The following GTSE1 variants were observed in gnomAD, a reference collection of about 807,000 sequenced individuals.
GTSE1 encodes G2 and S-phase expressed 1.
In GTSE1, 52 loss-of-function variants were observed where a neutral mutation model predicts 60.5. The observed-to-expected ratio is 0.86, with a 90% confidence interval of 0.69 to 1.08. The LOEUF is 1.08. Among genes scored for constraint, GTSE1 ranks in the 50% least tolerant of loss-of-function variants. The pLI, the probability that GTSE1 is intolerant of heterozygous loss-of-function variation, is 0.00. For synonymous variants in GTSE1, 368 were observed against 386.5 expected, an observed-to-expected ratio of 0.95 and a Z score of 0.56; for missense variants, 937 against 961.8, an observed-to-expected ratio of 0.97 and a Z score of 0.34.
rs765427631 is a variant in GTSE1 at position 46,310,572 on chromosome 22, C to T, written c.763-1569C>T. 2.0e-5 allele frequency among the ~76,000 whole-genome samples: 3 copies of T among 152,186 alleles called. No homozygotes were observed. Among genetic ancestry groups the T allele is most frequent in the African/African-American group, 7.2e-5 (3 of 41,432 alleles). ...AAAAAGTAGGACCAACCCAGGCATC[C>T]AGCAAATGATGATTGGGTAACGAAA... On this transcript the variant is annotated intron_variant, in intron 4 of 11. Transcript: ENST00000454366. This position sits in a 1 kb window ranked among gnomAD's most constrained non-coding sequence, Gnocchi z 4.4.
rs2077793817 is a variant in GTSE1 at position 46,318,553 on chromosome 22, T to G, written c.1432+2141T>G. 6.6e-6 allele frequency among the ~76,000 whole-genome samples: 1 copy of G among 152,022 alleles called. No homozygotes were observed. Among genetic ancestry groups the G allele is most frequent in the African/African-American group, 2.4e-5 (1 of 41,388 alleles). On this transcript the variant is annotated intron_variant, in intron 7 of 11. Transcript: ENST00000454366. This position sits in a 1 kb window ranked among gnomAD's most constrained non-coding sequence, Gnocchi z 4.8. ...GATGGTGTCCTGGAGCTGGCATGTT[T>G]GGGGAGGAATTTGCATCGGGTGGTT...
rs1423298038 is a variant in GTSE1 at position 46,317,798 on chromosome 22, C to T, written c.1432+1386C>T. Reference sequence around the variant, plus strand: ...GTGTGTCCCGCAAGGCCCGCGAGACCCCTGCACTCCTGCTGCTGCAAGATG... The same window carrying T: ...GTGTGTCCCGCAAGGCCCGCGAGACTCCTGCACTCCTGCTGCTGCAAGATG... On this transcript the variant is annotated intron_variant, in intron 7 of 11. Transcript: ENST00000454366. The surrounding 1 kb of genome is among the most constrained non-coding windows in gnomAD (Gnocchi z 5.6). Among the ~76,000 whole-genome samples, 1 of 152,248 alleles carries T rather than the reference C, an allele frequency of 6.6e-6. No individual in the cohort carries two copies. The highest frequency in any genetic ancestry group is 1.5e-5 in the Non-Finnish European group (1 of 68,038).
At chr22:46,301,803 T>G (rs2077690931) in intron 2 of GTSE1, among the ~76,000 whole-genome samples, 1 of 152,104 alleles carries the variant, frequency 6.6e-6, no homozygotes, top group African/African-American at 2.4e-5. Context: ...TACTCTTATT[T>G]TTGAGTGAGG....
In GTSE1 at chr22:46,313,968, T is replaced by G. The variant is rs181848788; in HGVS notation, c.1006T>G (p.Trp336Gly). ...LARKSSSGPV[W>G]SGASSACTSP... is the part of the protein sequence containing the mutation. ...AAGGAAGTCCTCCTCGGGGCCTGTT[T>G]GGAGCGGGGCATCCAGTGCGTGCAC... Residue 336 changes from tryptophan (W) to glycine (G), a missense_variant, in exon 6 of 12, where the codon TGG becomes GGG. Transcript: ENST00000454366. The surrounding 1 kb of genome is among the most constrained non-coding windows in gnomAD (Gnocchi z 4.4). The G allele has an allele frequency of 1.2e-6, 2 of 1,614,234 alleles. No homozygotes were observed. Among genetic ancestry groups the G allele is most frequent in the Non-Finnish European group, 8.5e-7 (1 of 1,180,018 alleles).
intron 2 of GTSE1, among the ~76,000 whole-genome samples, chr22:46,300,303 G>T (rs1300349991): frequency 6.6e-6 from 1 of 151,506 alleles, no homozygotes; most frequent in East Asian, 1.9e-4. Flanking sequence ...TCACCATGTT[G>T]GTCAGGACGG....
At chr22:46,322,398 C>T (rs1384392802) in intron 7 of GTSE1, among the ~76,000 whole-genome samples, 2 of 152,180 alleles carry the variant, frequency 1.3e-5, no homozygotes, top group African/African-American at 4.8e-5. Context: ...GCCTCTTTTC[C>T]CATGGCTTCC....
Position 46,310,634 on chromosome 22 carries a change from TAAA to T in GTSE1, c.763-1504_763-1502del, listed in dbSNP as rs980957740. Reference sequence around the variant, plus strand: ...CCAAACAATGGTTTATTTTTGGCAATAAAAAGAAACACTACTGGGCGTGGTAGC... The same window carrying T: ...CCAAACAATGGTTTATTTTTGGCAATAAGAAACACTACTGGGCGTGGTAGC... On this transcript the variant is annotated intron_variant, in intron 4 of 11. Transcript: ENST00000454366. The surrounding 1 kb of genome is among the most constrained non-coding windows in gnomAD (Gnocchi z 4.4). Among the ~76,000 whole-genome samples the T allele has an allele frequency of 6.6e-6, 1 of 152,122 alleles. No individual in the cohort carries two copies. Among genetic ancestry groups the T allele is most frequent in the African/African-American group, 2.4e-5 (1 of 41,422 alleles).
rs973782809 is a variant in GTSE1 at position 46,316,901 on chromosome 22, C to CT, written c.1432+497dup. Among the ~76,000 whole-genome samples, 6 of 151,770 alleles carry CT rather than the reference C, an allele frequency of 4.0e-5. No homozygotes were observed. The highest frequency in any genetic ancestry group is 1.3e-4 in the Admixed American group (2 of 15,218). ...TCTCACAGGACACCGAAGCTCTGTT[C>CT]TTTTTTTTATTTCAGCCTTTTTTCT... On this transcript the variant is annotated intron_variant, in intron 7 of 11. Transcript: ENST00000454366. This position sits in a 1 kb window ranked among gnomAD's most constrained non-coding sequence, Gnocchi z 5.0.
Position 46,304,053 on chromosome 22 carries a change from G to C in GTSE1, c.80-4097G>C, listed in dbSNP as rs1320005563. On this transcript the variant is annotated intron_variant, in intron 2 of 11. Transcript: ENST00000454366. This position sits in a 1 kb window ranked among gnomAD's most constrained non-coding sequence, Gnocchi z 4.4. The stretch of plus-strand genomic sequence containing the variant: ...CAGTGTCTCTTGCTCTATTGCCCAG[G>C]ATGGAGTGCAGTGGCTTGATCATAG... Among the ~76,000 whole-genome samples the C allele has an allele frequency of 6.6e-6, 1 of 152,174 alleles. No individual in the cohort carries two copies. The highest frequency in any genetic ancestry group is 2.4e-5 in the African/African-American group (1 of 41,430).
rs900473740 is a variant in GTSE1 at position 46,308,409 on chromosome 22, C to A, written c.228C>A (p.Pro76=). ...AASLELNNPV[P]EQPPLPTSES... ...GCTTGGAATTAAATAATCCGGTTCCCGAACAGCCTCCGTTGCCCACATCTG... is the reference window on the plus strand; with the variant it reads ...GCTTGGAATTAAATAATCCGGTTCCAGAACAGCCTCCGTTGCCCACATCTG... The change falls in exon 4 of 12, where the codon CCC becomes CCA. Residue 76 remains proline (P), a synonymous_variant. Coordinates refer to ENST00000454366, the MANE Select transcript of GTSE1 (RefSeq NM_016426.7). The A allele has an allele frequency of 1.9e-6, 3 of 1,614,120 alleles. No homozygotes were observed. The highest frequency in any genetic ancestry group is 2.5e-6 in the Non-Finnish European group (3 of 1,180,032).
At chr22:46,326,072 A>C (rs986622711) in intron 8 of GTSE1, among the ~76,000 whole-genome samples, 1 of 152,260 alleles carries the variant, frequency 6.6e-6, no homozygotes, top group East Asian at 1.9e-4. Context: ...GGCAATATCT[A>C]TGACACCAAC....
chr22:46,321,264 C>T lies in GTSE1; in HGVS notation c.1433-1926C>T, dbSNP rs1336878750. Among the ~76,000 whole-genome samples, 2 of 152,110 alleles carry T rather than the reference C, an allele frequency of 1.3e-5. No homozygotes were observed. The highest frequency in any genetic ancestry group is 4.8e-5 in the African/African-American group (2 of 41,428). On this transcript the variant is annotated intron_variant, in intron 7 of 11. Coordinates refer to ENST00000454366, the MANE Select transcript of GTSE1 (RefSeq NM_016426.7). The surrounding 1 kb of genome is among the most constrained non-coding windows in gnomAD (Gnocchi z 4.0). Reference sequence around the variant, plus strand: ...GATTCTACAAAAACATTTAGCTGGGCATGGTGCTGGGCACCTGTAGTCCCA... The same window carrying T: ...GATTCTACAAAAACATTTAGCTGGGTATGGTGCTGGGCACCTGTAGTCCCA...
In GTSE1 at chr22:46,324,557, C is replaced by T. The variant is rs983731229; in HGVS notation, c.1505+1295C>T. Among the ~76,000 whole-genome samples the T allele has an allele frequency of 4.6e-5, 7 of 151,302 alleles. No individual in the cohort carries two copies. Among genetic ancestry groups the T allele is most frequent in the African/African-American group, 4.9e-5 (2 of 41,080 alleles). On this transcript the variant is annotated intron_variant, in intron 8 of 11. Transcript: ENST00000454366. This position sits in a 1 kb window ranked among gnomAD's most constrained non-coding sequence, Gnocchi z 5.2. ...TAAGTTTTTGTATTTTTAGTAGAGA[C>T]GGGGTTTCACCGTGTTAGCCAGGAT...
intron 8 of GTSE1, among the ~76,000 whole-genome samples, chr22:46,325,766 A>T (rs1478013521): frequency 6.6e-6 from 1 of 152,236 alleles, no homozygotes; most frequent in Admixed American, 6.5e-5. Flanking sequence ...GGATTTCAGC[A>T]CATGAATCTG....
chr22:46,313,036 G>A lies in GTSE1; in HGVS notation c.927+731G>A, dbSNP rs1452378547. On this transcript the variant is annotated intron_variant, in intron 5 of 11. Transcript: ENST00000454366. This position sits in a 1 kb window ranked among gnomAD's most constrained non-coding sequence, Gnocchi z 4.4. The stretch of plus-strand genomic sequence containing the variant: ...AAATCAGCCAGGCATGGTGGTGCAT[G>A]CCTGTGGTCCCAGCTATTTGGGAGG... Among the ~76,000 whole-genome samples, 2 of 151,116 alleles carry A rather than the reference G, an allele frequency of 1.3e-5. No individual in the cohort carries two copies. Among genetic ancestry groups the A allele is most frequent in the Non-Finnish European group, 3.0e-5 (2 of 67,740 alleles).
In GTSE1 at chr22:46,314,176, C is replaced by G. The variant is rs1211514275; in HGVS notation, c.1051+163C>G. ...CCAGGCTGTGGACTGAGTTGCTGTA[C>G]CTGCCCTCAGTGCCTCTGTCCCATG... On this transcript the variant is annotated intron_variant, in intron 6 of 11. Coordinates refer to ENST00000454366, the MANE Select transcript of GTSE1 (RefSeq NM_016426.7). This position sits in a 1 kb window ranked among gnomAD's most constrained non-coding sequence, Gnocchi z 7.1. Among the ~76,000 whole-genome samples the G allele has an allele frequency of 1.3e-5, 2 of 152,172 alleles. No homozygotes were observed. Among genetic ancestry groups the G allele is most frequent in the African/African-American group, 2.4e-5 (1 of 41,436 alleles).
chr22:46,326,518 T>G lies in GTSE1; in HGVS notation c.1588T>G (p.Leu530Val). ...GCTGAGCGCATGGCGTGTGTCAGCC[T>G]TGCCCACACCCGCCAGCCGGCGCTG... is the stretch of plus-strand genomic sequence containing the variant. ...SLLSAWRVSA[L>V]PTPASRRCSG... The change falls in exon 9 of 12, where the codon TTG (leucine) becomes GTG (valine). Residue 530 changes from leucine to valine, a missense_variant. By Grantham distance (32) the Leu-to-Val change is conservative (BLOSUM62 1). Transcript: ENST00000454366. The G allele has an allele frequency of 6.2e-7, 1 of 1,614,084 alleles. No individual in the cohort carries two copies. The highest frequency in any genetic ancestry group is 8.5e-7 in the Non-Finnish European group (1 of 1,179,938).
intron 9 of GTSE1, among the ~76,000 whole-genome samples, chr22:46,327,899 A>G (rs2077853274): frequency 6.6e-6 from 1 of 152,252 alleles, no homozygotes; most frequent in South Asian, 2.1e-4. Flanking sequence ...GGAATGCCAA[A>G]GAGAAAATGA....
rs1424017003 is a variant in GTSE1, at chr22:46,309,390, A to G, written c.762+447A>G. On this transcript the variant is annotated intron_variant, in intron 4 of 11. Coordinates refer to ENST00000454366, the MANE Select transcript of GTSE1 (RefSeq NM_016426.7). This position sits in a 1 kb window ranked among gnomAD's most constrained non-coding sequence, Gnocchi z 6.2. ...GGGTGCCTTTGGGTGCAGTCTGCCT[A>G]CTCTGGGACACTGAGGGTCCTGGAG... is the stretch of plus-strand genomic sequence containing the variant. Among the ~76,000 whole-genome samples the G allele has an allele frequency of 1.3e-5, 2 of 151,842 alleles. No individual in the cohort carries two copies. The highest frequency in any genetic ancestry group is 3.9e-4 in the East Asian group (2 of 5,142).
Sources: gnomAD v4.1 joint callset for allele counts (sites outside exome capture counted in the v4.1 genomes callset) on GRCh38, gnomAD v4.1.1 for gene constraint, Gnocchi (gnomAD v3.1) non-coding constraint, MANE v1.5 for transcripts, NCBI Gene and HGNC (gene_info 2026-07-23, HGNC 2026-07-21) for gene names.